CREBL2: variants seen among roughly 807,000 people sequenced by gnomAD.
The protein encoded by CREBL2 is cAMP responsive element binding protein like 2.
A neutral mutation model predicts 19.5 loss-of-function variants in CREBL2; 4 were observed. The observed-to-expected ratio is 0.20, with a 90% CI of 0.10 to 0.47. The LOEUF is 0.47. Ranked by LOEUF, CREBL2 falls within the 20% of genes least tolerant of loss-of-function variation. CREBL2 has a pLI of 0.98. For missense variants in CREBL2, 85 were observed against 145.1 expected (o/e 0.59, Z 2.13); for synonymous variants, 42 against 46.6 (o/e 0.90, Z 0.40).
intron 1 of CREBL2, 88 bp downstream of exon 1, chr12:12,612,275 A>C: frequency 6.2e-7 from 1 of 1,607,592 alleles, no homozygotes; most frequent in Admixed American, 1.7e-5. Context: ...GTCCACGCCA[A>C]CACCCAAGAG....
At chr12:12,640,209 G>A (rs910458223) in intron 3 of CREBL2, among the ~76,000 whole-genome samples, 3 of 152,132 alleles carry the variant, frequency 2.0e-5, no homozygotes, top group Non-Finnish European at 2.9e-5. Context: ...AGACCAGGGC[G>A]TATCTCAGTC....
At position 12,643,957 on chromosome 12, in the gene CREBL2, T is replaced by G. The variant is rs1055979074; in HGVS notation, c.*1959T>G. 2 of 152,672 alleles carry G rather than the reference T, an allele frequency of 1.3e-5. No homozygotes were observed. The highest frequency in any genetic ancestry group is 4.8e-5 in the African/African-American group (2 of 41,462). 9.5% of individuals were successfully genotyped at this position (152,672 alleles called of 1,614,324 possible). A position where few individuals can be genotyped will look rare whatever the true frequency, so the allele number is the denominator to read the frequency against. On this transcript the variant is annotated 3_prime_UTR_variant, in exon 4 of 4. Coordinates refer to ENST00000228865, the MANE Select transcript of CREBL2 (RefSeq NM_001310.4). ...ACTTTATGTTGCTTTGTTCAGTACC[T>G]TTTGAATTCCCCCAGAAGAGTTGTT...
At chr12:12,622,840 G>A (rs532231849) in intron 1 of CREBL2, among the ~76,000 whole-genome samples, 16 of 152,254 alleles carry the variant, frequency 1.1e-4, no homozygotes, top group East Asian at 3.9e-4. Flanking sequence ...TCTTTAATCC[G>A]TGGGAGATAA....
At chr12:12,618,827 G>A (rs372141939) in intron 1 of CREBL2, among the ~76,000 whole-genome samples, 15 of 152,342 alleles carry the variant, frequency 9.8e-5, no homozygotes, top group African/African-American at 3.4e-4. Context: ...TCAGGAGCTG[G>A]AGACCAGCCC....
chr12:12,637,679 C>T lies in CREBL2; in HGVS notation c.323C>T (p.Thr108Ile). The T allele has an allele frequency of 6.2e-7, 1 of 1,613,130 alleles. No homozygotes were observed. The highest frequency in any genetic ancestry group is 8.5e-7 in the Non-Finnish European group (1 of 1,179,580). The change falls in exon 3 of 4, where the codon ACC (threonine) becomes ATC (isoleucine). Residue 108 changes from threonine to isoleucine, a missense_variant. By Grantham distance (89) the Thr-to-Ile change is moderately conservative. This residue lies in a region of CREBL2 where 42 missense variants were observed against 38.4 expected (regional missense o/e 1.09). Coordinates refer to ENST00000228865, the MANE Select transcript of CREBL2 (RefSeq NM_001310.4). ...TCTCAGCAGAACTCAAGCAGGCATA[C>T]CAAGGCTGGGAAGACAGATGCTAAT... ...NKSQQNSSRH[T>I]KAGKTDANSN...
chr12:12,624,170 A>G (rs1332471884), intron 1 of CREBL2, among the ~76,000 whole-genome samples: 2 of 152,376 alleles, frequency 1.3e-5, no homozygotes, highest in African/African-American at 4.8e-5. Flanking sequence ...GTGCTGAGCC[A>G]GAGGTCTTTT....
rs566066467 is a variant in CREBL2 at position 12,618,323 on chromosome 12, C to T, written c.15+6136C>T. 4.0e-5 allele frequency among the ~76,000 whole-genome samples: 6 copies of T among 151,032 alleles called. No homozygotes were observed. In the South Asian group the frequency reaches 8.4e-4, roughly 21 times the overall value. On this transcript the variant is annotated intron_variant, in intron 1 of 3. Transcript: ENST00000228865. ...CTCCTCACTTCTCAGACGGGGCAGCCGGGCAGAGATGCTCCTTACCTCCTA... is the reference window on the plus strand; with the variant it reads ...CTCCTCACTTCTCAGACGGGGCAGCTGGGCAGAGATGCTCCTTACCTCCTA...
chr12:12,632,110 C>G (rs1198453685), intron 1 of CREBL2, among the ~76,000 whole-genome samples: 1 of 111,758 alleles, frequency 8.9e-6, no homozygotes, highest in South Asian at 3.0e-4. Flanking sequence ...CGGAGTCTCG[C>G]TCTGTCGCCC....
chr12:12,639,598 G>A (rs1178232575), intron 3 of CREBL2, among the ~76,000 whole-genome samples: 2 of 152,150 alleles, frequency 1.3e-5, no homozygotes, highest in African/African-American at 4.8e-5. Context: ...TATTCTTTGG[G>A]GAAATGTCTA....
At chr12:12,623,745 A>G (rs1360910659) in intron 1 of CREBL2, among the ~76,000 whole-genome samples, 1 of 152,252 alleles carries the variant, frequency 6.6e-6, no homozygotes, top group Non-Finnish European at 1.5e-5. Context: ...TTATCACCTT[A>G]TATGGTAAAA....
chr12:12,638,324 C>A (rs1945491559), intron 3 of CREBL2, among the ~76,000 whole-genome samples: 1 of 152,126 alleles, frequency 6.6e-6, no homozygotes, highest in Admixed American at 6.5e-5. Context: ...GTAATCCCAG[C>A]TACTCAGGAG....
chr12:12,619,600 G>C (rs549428932), intron 1 of CREBL2, among the ~76,000 whole-genome samples: 128 of 111,716 alleles, frequency 1.1e-3, no homozygotes, highest in Non-Finnish European at 1.9e-3. Context: ...AGTGGAGCCA[G>C]ACTCTGTCTC....
intron 1 of CREBL2, among the ~76,000 whole-genome samples, chr12:12,617,070 G>A (rs956759865): frequency 1.3e-4 from 20 of 152,228 alleles, no homozygotes; most frequent in African/African-American, 4.8e-4. Context: ...TCCACACTCT[G>A]CCATCTAGCT....
chr12:12,641,410 C>T (rs919437428), intron 3 of CREBL2, among the ~76,000 whole-genome samples: 18 of 151,304 alleles, frequency 1.2e-4, no homozygotes, highest in Middle Eastern at 6.8e-3. Flanking sequence ...CAGGTTCAAG[C>T]GATTCTCCTG....
rs1945269658 is a variant in CREBL2 at position 12,611,947 on chromosome 12, C to T, written c.-226C>T. The T allele has an allele frequency of 1.7e-6, 1 of 580,998 alleles. No homozygotes were observed. The highest frequency in any genetic ancestry group is 3.3e-5 in the Admixed American group (1 of 30,438). The allele number at this position is 580,998 out of a possible 1,614,324, so 36.0% of individuals were successfully genotyped here. On this transcript the variant is annotated 5_prime_UTR_variant, in exon 1 of 4. Transcript: ENST00000228865. ...ATGGAGGGGGAGGAGGAGGCGGCGG[C>T]GGCGAAGGGAGGCGTTTGGGGCCGC...
intron 1 of CREBL2, among the ~76,000 whole-genome samples, chr12:12,613,106 G>C (rs1592235629): frequency 6.6e-6 from 1 of 152,196 alleles, no homozygotes; most frequent in East Asian, 1.9e-4. Flanking sequence ...CCCAATCTTA[G>C]GTGTCCGCTC....
chr12:12,619,796 TGATGCAG>T (rs1187893731), intron 1 of CREBL2, among the ~76,000 whole-genome samples: 1 of 152,220 alleles, frequency 6.6e-6, no homozygotes, highest in Non-Finnish European at 1.5e-5. Context: ...GTTGAGGGAC[TGATGCAG>T]GAGTGGGCCA....
chr12:12,635,329 A>G (rs375328818), intron 1 of CREBL2, among the ~76,000 whole-genome samples: 4 of 151,734 alleles, frequency 2.6e-5, no homozygotes, highest in African/African-American at 9.7e-5. Flanking sequence ...TGATTGTACT[A>G]CTGAACTCTA....
intron 1 of CREBL2, among the ~76,000 whole-genome samples, chr12:12,619,610 C>CAAATAAA (rs112902097): frequency 6.6e-6 from 1 of 151,656 alleles, no homozygotes; most frequent in African/African-American, 2.4e-5. Context: ...GACTCTGTCT[C>CAAATAAA]AAAGGAAAAA....
Sources: allele counts gnomAD v4.1 joint callset (sites outside exome capture counted in the v4.1 genomes callset), GRCh38; gene constraint gnomAD v4.1.1; regional missense constraint gnomAD v4.1.1; transcripts MANE v1.5; gene names NCBI Gene and HGNC (gene_info 2026-07-23, HGNC 2026-07-21).